ERBB3: variants seen among roughly 807,000 people sequenced by gnomAD.
ERBB3 encodes erb-b2 receptor tyrosine kinase 3.
In ERBB3, 96 loss-of-function variants were observed where a neutral mutation model predicts 156.7. That is an observed-to-expected ratio of 0.61 (90% confidence interval 0.52 to 0.73). The LOEUF (loss-of-function observed/expected upper bound fraction) is 0.73. Ranked by LOEUF, ERBB3 falls within the 30% of genes least tolerant of loss-of-function variation. The pLI is 0.00. For synonymous variants in ERBB3, 567 were observed against 632.0 expected (o/e 0.90, Z 1.54); for missense variants, 1,406 against 1,709.4 (o/e 0.82, Z 3.13).
rs56017157 is a variant in ERBB3, at chr12:56,083,757, C to T, written c.89C>T (p.Pro30Leu). The stretch of plus-strand genomic sequence containing the variant: ...TTCCCTCTGCTTTGAACAGTGTGTC[C>T]TGGGACTCTGAATGGCCTGAGTGTG... ...SEVGNSQAVC[P>L]GTLNGLSVTG... Residue 30 changes from proline (P) to leucine (L), a missense_variant, in exon 2 of 28, where the codon CCT (proline) becomes CTT (leucine). By Grantham distance (98) the Pro-to-Leu change is moderately conservative. Coordinates refer to ENST00000267101, the MANE Select transcript of ERBB3 (RefSeq NM_001982.4). 2,873 of 1,614,048 alleles carry T rather than the reference C, an allele frequency of 1.8e-3. 8 individuals carry two copies. The highest frequency in any genetic ancestry group is 5.6e-3 in the Middle Eastern group (34 of 6,062).
intron 22 of ERBB3, 91 bp from the exon 23 acceptor site, chr12:56,098,668 A>C (rs777632845): frequency 1.3e-6 from 2 of 1,585,546 alleles, no homozygotes; most frequent in Non-Finnish European, 1.7e-6. Context: ...AGCACTTCAG[A>C]TTTTTGTGTT....
chr12:56,100,414 A>AGT lies in ERBB3; in HGVS notation c.3201+171_3201+172dup. 4 of 670,004 alleles carry AGT rather than the reference A, an allele frequency of 6.0e-6. No individual in the cohort carries two copies. The South Asian group carries it at 6.2e-5, about 10-fold the overall frequency. The allele number at this position is 670,004 out of a possible 1,614,324, so 41.5% of individuals were successfully genotyped here. ...CCCAGCACTTTGGGAGGCCAGAGAG[A>AGT]GTGGATCACCTGAGGTTAGGAGTTT... On this transcript the variant is annotated intron_variant, in intron 26 of 27. Transcript: ENST00000267101.
chr12:56,099,588 C>T (rs1309581912), intron 23 of ERBB3, 60 bp from the exon 24 acceptor site: 92 of 1,453,374 alleles, frequency 6.3e-5, no homozygotes, highest in East Asian at 1.8e-4. Context: ...TGTGAGCCAC[C>T]GCGCCCGGCC....
At position 56,102,915 on chromosome 12, in the gene ERBB3, C is replaced by T. The variant is rs992078650; in HGVS notation, c.*860C>T. The T allele has an allele frequency of 3.6e-5, 8 of 223,464 alleles. No homozygotes were observed. Among genetic ancestry groups the T allele is most frequent in the Non-Finnish European group, 7.1e-5 (8 of 112,704 alleles). 13.8% of individuals were successfully genotyped at this position (223,464 alleles called of 1,614,324 possible). ...GCTGAGATGGGAAGATCACTTGAGCCCAGAATTAGAGATAAGCCTATGGAA... is the reference window on the plus strand; with the variant it reads ...GCTGAGATGGGAAGATCACTTGAGCTCAGAATTAGAGATAAGCCTATGGAA... On this transcript the variant is annotated 3_prime_UTR_variant, in exon 28 of 28. Transcript: ENST00000267101.
At position 56,088,178 on chromosome 12, in the gene ERBB3, G is replaced by A. The variant is rs2136795804; in HGVS notation, c.874+16G>A. 1 of 1,613,740 alleles carries A rather than the reference G, an allele frequency of 6.2e-7. No homozygotes were observed. Among genetic ancestry groups the A allele is most frequent in the Non-Finnish European group, 8.5e-7 (1 of 1,179,674 alleles). On this transcript the variant is annotated intron_variant, in intron 7 of 27. Transcript: ENST00000267101. ...AGCTGTCCCCGTAAGTGTCTGAGGG[G>A]AAGGAACAATGATCAACAATAGTAG...
rs191209918 is a variant in ERBB3, at chr12:56,082,331, A to G, written c.83-1420A>G. 2.4e-3 allele frequency among the ~76,000 whole-genome samples: 361 copies of G among 152,212 alleles called. 1 individual carries two copies. The highest frequency in any genetic ancestry group is 3.4e-3 in the Middle Eastern group (1 of 294). On this transcript the variant is annotated intron_variant, in intron 1 of 27. Transcript: ENST00000267101. Reference sequence around the variant, plus strand: ...GGCACTATAACTTGGGAAAGGGGGTATCCTGCCAGGAAGGGGATTGGGGTG... The same window carrying G: ...GGCACTATAACTTGGGAAAGGGGGTGTCCTGCCAGGAAGGGGATTGGGGTG...
intron 21 of ERBB3, 85 bp downstream of exon 21, chr12:56,098,025 C>T: frequency 7.4e-7 from 1 of 1,354,926 alleles, no homozygotes; most frequent in Non-Finnish European, 1.0e-6. Context: ...CAGAGGCAAG[C>T]AGATGCTTCA....
chr12:56,088,592 C>G lies in ERBB3; in HGVS notation c.924C>G (p.Asp308Glu), dbSNP rs2136797202. 2 of 1,614,074 alleles carry G rather than the reference C, an allele frequency of 1.2e-6. No homozygotes were observed. Among genetic ancestry groups the G allele is most frequent in the Non-Finnish European group, 1.7e-6 (2 of 1,180,002 alleles). ...QTSCVRACPPDKMEVDKNGLK... is the reference protein window; with the variant it reads ...QTSCVRACPPEKMEVDKNGLK... The stretch of plus-strand genomic sequence containing the variant: ...CCTGTGTCAGGGCCTGTCCTCCTGA[C>G]AAGATGGAAGTAGATAAAAATGGGC... Residue 308 changes from aspartate to glutamate, a missense_variant, in exon 8 of 28, where the codon GAC (aspartate) becomes GAG (glutamate). By Grantham distance (45) the Asp-to-Glu change is conservative. Coordinates refer to ENST00000267101, the MANE Select transcript of ERBB3 (RefSeq NM_001982.4).
At chr12:56,092,120 T>G (rs891441937) in intron 9 of ERBB3, among the ~76,000 whole-genome samples, 17 of 147,738 alleles carry the variant, frequency 1.2e-4, no homozygotes, top group African/African-American at 4.2e-4. Flanking sequence ...CCAGGTGCAG[T>G]GGCTCATGCC....
Position 56,103,316 on chromosome 12 carries a change from G to C in ERBB3, c.*1261G>C, listed in dbSNP as rs1869187986. ...AGGGCAAATTCACAAGGATCCCCAA[G>C]ATCCACTTTTAGAAGCCATTCTCAT... is the stretch of plus-strand genomic sequence containing the variant. On this transcript the variant is annotated 3_prime_UTR_variant, in exon 28 of 28. Transcript: ENST00000267101. 4.5e-6 allele frequency: 1 copy of C among 221,558 alleles called. No homozygotes were observed. The highest frequency in any genetic ancestry group is 2.2e-5 in the African/African-American group (1 of 44,594). 13.7% of individuals were successfully genotyped at this position (221,558 alleles called of 1,614,324 possible).
rs1869180630 is a variant in ERBB3 at position 56,103,092 on chromosome 12, A to G, written c.*1037A>G. On this transcript the variant is annotated 3_prime_UTR_variant, in exon 28 of 28. Coordinates refer to ENST00000267101, the MANE Select transcript of ERBB3 (RefSeq NM_001982.4). The stretch of plus-strand genomic sequence containing the variant: ...GTAAGGTGCCAAGAAAAACTGATTT[A>G]AGTTACAGCCCTTGTTTAAGGGGCA... 15 of 230,884 alleles carry G rather than the reference A, an allele frequency of 6.5e-5. No homozygotes were observed. In the Admixed American group the frequency reaches 7.9e-4, roughly 12 times the overall value. The allele number at this position is 230,884 out of a possible 1,614,324, so 14.3% of individuals were successfully genotyped here. A position where few individuals can be genotyped will look rare whatever the true frequency, so the allele number is the denominator to read the frequency against.
In ERBB3 at chr12:56,086,667, G is replaced by A. The variant is rs772576333; in HGVS notation, c.547+11G>A. 22 of 1,613,838 alleles carry A rather than the reference G, an allele frequency of 1.4e-5. No homozygotes were observed. The highest frequency in any genetic ancestry group is 1.8e-5 in the Non-Finnish European group (21 of 1,179,806). ...ACAATGGCAGAAGCTGTAAGTGGCCGTGATCAAGATTGCTCCCCAGTCCCA... is the reference window on the plus strand; with the variant it reads ...ACAATGGCAGAAGCTGTAAGTGGCCATGATCAAGATTGCTCCCCAGTCCCA... On this transcript the variant is annotated intron_variant, in intron 4 of 27. Coordinates refer to ENST00000267101, the MANE Select transcript of ERBB3 (RefSeq NM_001982.4).
intron 3 of ERBB3, 143 bp downstream of exon 3, chr12:56,085,324 T>C (rs553090262): frequency 6.5e-7 from 1 of 1,534,320 alleles, no homozygotes; most frequent in East Asian, 2.3e-5. Flanking sequence ...GGTCCATTGC[T>C]CCCTAAGCAA....
chr12:56,090,249 C>T lies in ERBB3; in HGVS notation c.1109+1381C>T, dbSNP rs533648867. On this transcript the variant is annotated intron_variant, in intron 9 of 27. Coordinates refer to ENST00000267101, the MANE Select transcript of ERBB3 (RefSeq NM_001982.4). Reference sequence around the variant, plus strand: ...TCCTGACCTCAAGTGATCCACCCGCCCCAGCTTCCCAAAGTGTTGGGATTA... The same window carrying T: ...TCCTGACCTCAAGTGATCCACCCGCTCCAGCTTCCCAAAGTGTTGGGATTA... 2.3e-3 allele frequency among the ~76,000 whole-genome samples: 357 copies of T among 152,182 alleles called. 3 individuals are homozygous for T. Among genetic ancestry groups the T allele is most frequent in the Non-Finnish European group, 8.2e-4 (56 of 68,012 alleles).
At position 56,101,408 on chromosome 12, in the gene ERBB3, T is replaced by A. The variant is rs763500317; in HGVS notation, c.3502+47T>A. The stretch of plus-strand genomic sequence containing the variant: ...TTTCCTCAATTTTTCCTCGAATTCT[T>A]TCCCCGGGCTCCTCTTTTTTCTTCT... On this transcript the variant is annotated intron_variant, in intron 27 of 27. Coordinates refer to ENST00000267101, the MANE Select transcript of ERBB3 (RefSeq NM_001982.4). 48 of 1,606,478 alleles carry A rather than the reference T, an allele frequency of 3.0e-5. 1 individual carries two copies. In the East Asian group the frequency reaches 1.0e-3, roughly 35 times the overall value.
At chr12:56,095,173 GA>G in intron 15 of ERBB3, 83 bp from the exon 16 acceptor site, 1 of 1,108,272 alleles carries the variant, frequency 9.0e-7, no homozygotes, top group Non-Finnish European at 1.4e-6. Context: ...GGTAAGTTCT[GA>G]AACAAGCTTT....
rs1869031073 is a variant in ERBB3, at chr12:56,099,913, C to G, written c.3013C>G (p.Leu1005Val). The G allele has an allele frequency of 6.2e-7, 1 of 1,614,212 alleles. No homozygotes were observed. Among genetic ancestry groups the G allele is most frequent in the South Asian group, 1.1e-5 (1 of 91,084 alleles). The change falls in exon 25 of 28, where the codon CTG becomes GTG. Residue 1005 changes from leucine to valine, a missense_variant. This residue lies in a region of ERBB3 where 415 missense variants were observed against 454.1 expected (regional missense o/e 0.91). Transcript: ENST00000267101. ...AAACAAGAAGCTAGAGGAAGTAGAG[C>G]TGGAGCCAGAACTAGACCTAGACCT... ...LTNKKLEEVELEPELDLDLDL... is the reference protein window; with the variant it reads ...LTNKKLEEVEVEPELDLDLDL...
chr12:56,088,629 G>A lies in ERBB3; in HGVS notation c.961G>A (p.Glu321Lys), dbSNP rs1241976168. The change falls in exon 8 of 28, where the codon GAG becomes AAG. Residue 321 changes from glutamate (E) to lysine (K), a missense_variant. Glu to Lys is a moderately conservative substitution (Grantham distance 56). Around this residue, in one of 3 missense-constraint regions of ERBB3, gnomAD observed 979 missense variants for 1,219.6 expected, o/e 0.80. Transcript: ENST00000267101. ...AGATAAAAATGGGCTCAAGATGTGT[G>A]AGCCTTGTGGGGGACTATGTCCCAA... is the stretch of plus-strand genomic sequence containing the variant. ...EVDKNGLKMC[E>K]PCGGLCPKAC... 2.5e-6 allele frequency: 4 copies of A among 1,614,008 alleles called. No individual in the cohort carries two copies. The highest frequency in any genetic ancestry group is 2.2e-5 in the East Asian group (1 of 44,900).
Position 56,097,154 on chromosome 12 carries a change from T to C in ERBB3, c.2384T>C (p.Leu795Pro). ...ACTCAATATTTGCCTCTGGGTTCTC[T>C]GCTGGATCATGTGAGACAACACCGG... ...LVTQYLPLGS[L>P]LDHVRQHRGA... Residue 795 changes from leucine to proline, a missense_variant, in exon 20 of 28, where the codon CTG becomes CCG. This residue lies in a region of ERBB3 where 979 missense variants were observed against 1,219.6 expected (regional missense o/e 0.80). Transcript: ENST00000267101. The C allele has an allele frequency of 6.2e-7, 1 of 1,614,186 alleles. No individual in the cohort carries two copies. The highest frequency in any genetic ancestry group is 8.5e-7 in the Non-Finnish European group (1 of 1,180,010).
Sources: gnomAD v4.1 joint callset for allele counts (sites outside exome capture counted in the v4.1 genomes callset) on GRCh38, gnomAD v4.1.1 for gene constraint, gnomAD v4.1.1 regional missense constraint, MANE v1.5 for transcripts, NCBI Gene and HGNC (gene_info 2026-07-23, HGNC 2026-07-21) for gene names.